The following AXDND1 variants were observed in gnomAD, a reference collection of about 807,000 sequenced individuals.
The protein encoded by AXDND1 is axonemal dynein light chain domain containing 1, also known as axonemal dynein light chain domain-containing protein 1.
Under a neutral mutation model 137.5 loss-of-function variants are expected in AXDND1, and 110 were observed. The ratio of observed to expected loss-of-function variants is 0.80; its 90% confidence interval spans 0.69 to 0.94. The LOEUF is 0.94. AXDND1 is among the 40% of genes least tolerant of loss of function. The probability of loss-of-function intolerance (pLI) is 0.00; values close to 1 mark genes in which losing one functional copy is unlikely to be tolerated. For missense variants in AXDND1, 1,191 were observed against 1,169.8 expected (o/e 1.02, Z -0.26); for synonymous variants, 414 against 399.7 (o/e 1.04, Z -0.43).
chr1:179,493,057 A>G lies in AXDND1; in HGVS notation c.2388+106A>G, dbSNP rs1369582813. On this transcript the variant is annotated intron_variant, in intron 20 of 25. Coordinates refer to ENST00000367618, the MANE Select transcript of AXDND1 (RefSeq NM_144696.6). Reference sequence around the variant, plus strand: ...CAAGCTCACATATTTAAAGAATACAATCTTATAAGTTCTAAAATATGCATA... The same window carrying G: ...CAAGCTCACATATTTAAAGAATACAGTCTTATAAGTTCTAAAATATGCATA... The G allele has an allele frequency of 9.3e-6, 7 of 750,090 alleles. No homozygotes were observed. In the East Asian group the frequency reaches 1.6e-4, roughly 17 times the overall value. 46.5% of individuals were successfully genotyped at this position (750,090 alleles called of 1,614,324 possible).
chr1:179,422,045 G>GA lies in AXDND1; in HGVS notation c.1231-7456dup, dbSNP rs71111997. Among the ~76,000 whole-genome samples, 713 of 130,118 alleles carry GA rather than the reference G, an allele frequency of 5.5e-3. 7 individuals carry two copies. The highest frequency in any genetic ancestry group is 0.017 in the African/African-American group (584 of 35,000). The allele number at this position is 130,118 out of a possible 152,430, so 85.4% of individuals were successfully genotyped here. A position where few individuals can be genotyped will look rare whatever the true frequency, so the allele number is the denominator to read the frequency against. On this transcript the variant is annotated intron_variant, in intron 12 of 25. Transcript: ENST00000367618. ...ACAAGAACGAAACTCCATCTCAAAA[G>GA]AAAAAAAAAAAAAAAAACAGCAGCT...
At chr1:179,420,270 C>T (rs1323571447) in intron 12 of AXDND1, among the ~76,000 whole-genome samples, 1 of 152,304 alleles carries the variant, frequency 6.6e-6, no homozygotes, top group Non-Finnish European at 1.5e-5. Flanking sequence ...GTTGAACCAT[C>T]CTCATATCCC....
intron 12 of AXDND1, among the ~76,000 whole-genome samples, chr1:179,428,361 T>G (rs1399730898): frequency 6.6e-6 from 1 of 152,250 alleles, no homozygotes; most frequent in East Asian, 1.9e-4. Flanking sequence ...AGATCATCCC[T>G]AGAGTCCCTT....
intron 25 of AXDND1, chr1:179,551,465 GA>G: frequency 6.2e-7 from 1 of 1,612,572 alleles, no homozygotes; most frequent in African/African-American, 1.3e-5. Context: ...GAAAACATGT[GA>G]CGAAAGCAAA....
intron 8 of AXDND1, 72 bp downstream of exon 8, chr1:179,383,616 T>A: frequency 8.8e-7 from 1 of 1,140,566 alleles, no homozygotes; most frequent in South Asian, 1.3e-5. Flanking sequence ...TAGGTTAGAA[T>A]TCTGACCCTG....
intron 15 of AXDND1, among the ~76,000 whole-genome samples, chr1:179,438,695 G>A (rs2125340499): frequency 6.6e-6 from 1 of 152,272 alleles, no homozygotes; most frequent in South Asian, 2.1e-4. Context: ...AAACCTGAAA[G>A]TAGGGATATT....
At chr1:179,472,352 AGT>A (rs771172324) in intron 17 of AXDND1, among the ~76,000 whole-genome samples, 4 of 152,186 alleles carry the variant, frequency 2.6e-5, no homozygotes, top group Non-Finnish European at 5.9e-5. Context: ...ATTCCATTGT[AGT>A]GTGAGTATAT....
At chr1:179,498,786 T>G (rs1590782) in intron 20 of AXDND1, among the ~76,000 whole-genome samples, 109,571 of 151,954 alleles carry the variant, frequency 0.72, 40,639 homozygotes, top group South Asian at 0.83. Flanking sequence ...CAGATATTTC[T>G]CAAAAGAAGA....
chr1:179,540,222 G>C (rs1255862057), intron 25 of AXDND1, among the ~76,000 whole-genome samples: 1 of 152,094 alleles, frequency 6.6e-6, no homozygotes, highest in Non-Finnish European at 1.5e-5. Context: ...TCTCCATCCA[G>C]TTTTGTTCCC....
chr1:179,533,651 A>C, intron 23 of AXDND1, 144 bp from the exon 24 acceptor site: 1 of 400,572 alleles, frequency 2.5e-6, no homozygotes, highest in South Asian at 3.8e-5. Flanking sequence ...TTTTGGTATT[A>C]AGGGTGTGCT....
chr1:179,549,952 C>T (rs1673041826), intron 25 of AXDND1, among the ~76,000 whole-genome samples: 1 of 152,038 alleles, frequency 6.6e-6, no homozygotes, highest in South Asian at 2.1e-4. Flanking sequence ...TGTCCTGTTG[C>T]TGCTTCATCA....
intron 18 of AXDND1, 66 bp downstream of exon 18, chr1:179,483,287 A>G: frequency 2.9e-6 from 3 of 1,052,182 alleles, no homozygotes; most frequent in Non-Finnish European, 4.2e-6. Flanking sequence ...TCAAGGAAAA[A>G]TAATGCTCTC....
intron 20 of AXDND1, among the ~76,000 whole-genome samples, chr1:179,503,516 G>A (rs1668229600): frequency 6.6e-6 from 1 of 151,240 alleles, no homozygotes; most frequent in African/African-American, 2.4e-5. Context: ...TCCTCAGACA[G>A]GTTTTTTCAG....
At chr1:179,523,011 C>T (rs1353232382) in intron 21 of AXDND1, among the ~76,000 whole-genome samples, 1 of 151,360 alleles carries the variant, frequency 6.6e-6, no homozygotes, top group Non-Finnish European at 1.5e-5. Context: ...CTGTAAACAC[C>T]CAGAGGATGT....
chr1:179,465,941 C>A (rs1448889921), intron 16 of AXDND1, among the ~76,000 whole-genome samples: 2 of 152,226 alleles, frequency 1.3e-5, no homozygotes, highest in Non-Finnish European at 2.9e-5. Flanking sequence ...ATATAATCTC[C>A]TGGTGTGCCG....
At chr1:179,385,449 G>A in intron 9 of AXDND1, 90 bp downstream of exon 9, 1 of 1,446,284 alleles carries the variant, frequency 6.9e-7, no homozygotes, top group Non-Finnish European at 9.7e-7. Flanking sequence ...CCACAAAAGT[G>A]CACTTCTCTA....
At chr1:179,377,983 A>G (rs915091012) in intron 4 of AXDND1, among the ~76,000 whole-genome samples, 2 of 152,150 alleles carry the variant, frequency 1.3e-5, no homozygotes, top group Admixed American at 1.3e-4. Context: ...AGCGTGGCCA[A>G]CGTGGCAAAA....
intron 4 of AXDND1, among the ~76,000 whole-genome samples, chr1:179,377,716 G>T (rs867078841): frequency 3.3e-5 from 5 of 152,214 alleles, no homozygotes; most frequent in African/African-American, 1.2e-4. Flanking sequence ...ACTGCTAAGA[G>T]ATTGTTTAAC....
chr1:179,382,060 C>G (rs532520303), intron 6 of AXDND1, among the ~76,000 whole-genome samples: 11 of 148,794 alleles, frequency 7.4e-5, no homozygotes, highest in African/African-American at 2.7e-4. Context: ...TAGGCATGAG[C>G]CACCACGCCC....
Sources: allele counts gnomAD v4.1 joint callset (sites outside exome capture counted in the v4.1 genomes callset), GRCh38; gene constraint gnomAD v4.1.1; transcripts MANE v1.5; gene names NCBI Gene and HGNC (gene_info 2026-07-23, HGNC 2026-07-21).